KIF16B: variants seen among roughly 807,000 people sequenced by gnomAD.
The protein encoded by KIF16B is kinesin family member 16B.
KIF16B carries 98 observed loss-of-function variants against 156.3 expected under a neutral mutation model. The ratio of observed to expected loss-of-function variants is 0.63; its 90% CI spans 0.53 to 0.74. The LOEUF is 0.74. Ranked by LOEUF, KIF16B falls within the 30% of genes least tolerant of loss-of-function variation. The pLI, the probability that KIF16B is intolerant of heterozygous loss-of-function variation, is 0.00. For synonymous variants in KIF16B, 564 were observed against 583.7 expected (o/e 0.97, Z 0.49); for missense variants, 1,421 against 1,606.5 (o/e 0.88, Z 1.97).
chr20:16,518,132 G>C (rs1011903153), intron 3 of KIF16B, among the ~76,000 whole-genome samples: 2 of 152,140 alleles, frequency 1.3e-5, no homozygotes, highest in Non-Finnish European at 2.9e-5. Flanking sequence ...ACCCAGGGCT[G>C]GCTCAGACTC....
At chr20:16,520,571 C>T (rs1176312142) in intron 3 of KIF16B, among the ~76,000 whole-genome samples, 1 of 152,186 alleles carries the variant, frequency 6.6e-6, no homozygotes, top group African/African-American at 2.4e-5. Context: ...TGGGACAGAG[C>T]ACCTGGGAGA....
intron 19 of KIF16B, among the ~76,000 whole-genome samples, chr20:16,377,435 A>ATAAG (rs2064981440): frequency 6.6e-6 from 1 of 151,914 alleles, no homozygotes; most frequent in Non-Finnish European, 1.5e-5. Flanking sequence ...AAATAAATAA[A>ATAAG]TAGCCAGGCA....
chr20:16,389,981 G>A (rs2065324961), intron 17 of KIF16B, among the ~76,000 whole-genome samples: 2 of 152,164 alleles, frequency 1.3e-5, no homozygotes, highest in South Asian at 2.1e-4. Flanking sequence ...TCATTGTCAG[G>A]GTATCCCACA....
chr20:16,492,815 G>A (rs1397270432), intron 12 of KIF16B, among the ~76,000 whole-genome samples: 2 of 151,994 alleles, frequency 1.3e-5, no homozygotes, highest in African/African-American at 2.4e-5. Context: ...CTAACGGTTT[G>A]ATTTCTTTTT....
At chr20:16,558,921 AC>A (rs1443758606) in intron 1 of KIF16B, among the ~76,000 whole-genome samples, 26 of 138,648 alleles carry the variant, frequency 1.9e-4, no homozygotes, top group Admixed American at 1.0e-3. Flanking sequence ...AAAAAAAAAA[AC>A]CAAGTGGGGG....
chr20:16,511,790 C>T (rs6044040), intron 5 of KIF16B, among the ~76,000 whole-genome samples: 36,224 of 151,968 alleles, frequency 0.24, 4,938 homozygotes, highest in East Asian at 0.36. Flanking sequence ...ATAATGTTGA[C>T]GAGAAAAAGA....
At chr20:16,389,809 C>A (rs757926901) in intron 17 of KIF16B, among the ~76,000 whole-genome samples, 3 of 152,142 alleles carry the variant, frequency 2.0e-5, no homozygotes, top group Admixed American at 1.3e-4. Context: ...AAAGAAGAAC[C>A]CAGCCATCCA....
intron 2 of KIF16B, 132 bp downstream of exon 2, chr20:16,528,239 G>C: frequency 1.5e-6 from 1 of 659,996 alleles, no homozygotes; most frequent in South Asian, 1.9e-5. Flanking sequence ...CCAGGTGCAA[G>C]CTGACGTGGC....
At chr20:16,508,251 C>T (rs1354624720) in intron 6 of KIF16B, 151 bp from the exon 7 acceptor site, 6 of 859,574 alleles carry the variant, frequency 7.0e-6, no homozygotes, top group Non-Finnish European at 1.1e-5. Context: ...GTATGTAATG[C>T]AGACCTGGGA....
chr20:16,354,477 TACACACACACACACACACAC>T (rs10567864), intron 23 of KIF16B, among the ~76,000 whole-genome samples: 2 of 148,636 alleles, frequency 1.3e-5, no homozygotes, highest in African/African-American at 4.9e-5. Context: ...AATGGAATTC[TACACACACACACACACACAC>T]ACACACACAC....
intron 17 of KIF16B, among the ~76,000 whole-genome samples, chr20:16,384,497 G>T (rs2065181385): frequency 6.6e-6 from 1 of 152,182 alleles, no homozygotes; most frequent in South Asian, 2.1e-4. Flanking sequence ...AGCTCAAGAG[G>T]ACAACAGAAG....
intron 24 of KIF16B, among the ~76,000 whole-genome samples, chr20:16,324,716 CA>C (rs1203284527): frequency 4.6e-5 from 7 of 152,002 alleles, no homozygotes; most frequent in Admixed American, 1.3e-4. Context: ...TTCTATCAGA[CA>C]TTCAAAGAAG....
chr20:16,499,330 T>A (rs1394909526), intron 10 of KIF16B, among the ~76,000 whole-genome samples: 1 of 152,206 alleles, frequency 6.6e-6, no homozygotes, highest in Admixed American at 6.5e-5. Context: ...TTCATCCTAA[T>A]CCAGATGTAA....
At chr20:16,278,131 G>A (rs1005262791) in intron 25 of KIF16B, among the ~76,000 whole-genome samples, 4 of 152,196 alleles carry the variant, frequency 2.6e-5, no homozygotes, top group African/African-American at 9.7e-5. Flanking sequence ...GGGCCTAGGA[G>A]AGGGTCTGTC....
chr20:16,354,724 T>C (rs1446160059), intron 23 of KIF16B, among the ~76,000 whole-genome samples: 1 of 152,158 alleles, frequency 6.6e-6, no homozygotes, highest in Admixed American at 6.5e-5. Context: ...GGCAGGTGGA[T>C]CACGAGCTCA....
At chr20:16,284,553 C>T (rs1238316900) in intron 25 of KIF16B, among the ~76,000 whole-genome samples, 1 of 152,170 alleles carries the variant, frequency 6.6e-6, no homozygotes, top group Non-Finnish European at 1.5e-5. Flanking sequence ...GCTTCCTCTT[C>T]TGTTACCAGG....
intron 24 of KIF16B, among the ~76,000 whole-genome samples, chr20:16,315,340 A>G (rs1304699918): frequency 6.6e-6 from 1 of 152,146 alleles, no homozygotes; most frequent in Admixed American, 6.5e-5. Flanking sequence ...ATACTCAACT[A>G]ACTGTCTGAC....
At chr20:16,488,435 C>T (rs1287775431) in intron 12 of KIF16B, among the ~76,000 whole-genome samples, 2 of 152,110 alleles carry the variant, frequency 1.3e-5, no homozygotes, top group African/African-American at 4.8e-5. Context: ...AACGCTGGAA[C>T]AGAGAAACCA....
intron 1 of KIF16B, among the ~76,000 whole-genome samples, chr20:16,563,405 C>CT (rs2071140575): frequency 6.6e-6 from 1 of 152,218 alleles, no homozygotes; most frequent in Non-Finnish European, 1.5e-5. Flanking sequence ...AGCTAAAACA[C>CT]TATTACTTCT....
Sources: allele counts gnomAD v4.1 joint callset (sites outside exome capture counted in the v4.1 genomes callset), GRCh38; gene constraint gnomAD v4.1.1; transcripts MANE v1.5; gene names NCBI Gene and HGNC (gene_info 2026-07-23, HGNC 2026-07-21).